The following CALN1 variants were observed in gnomAD, a reference collection of about 807,000 sequenced individuals.
CALN1 encodes calcium-binding protein 8.
CALN1 carries 17 observed loss-of-function variants against 30.6 expected under a neutral mutation model. The observed-to-expected ratio is 0.56, with a 90% CI of 0.38 to 0.83. The LOEUF is 0.83. Ranked by LOEUF, CALN1 falls within the 40% of genes least tolerant of loss-of-function variation. The pLI, the probability that CALN1 is intolerant of heterozygous loss-of-function variation, is 0.00. For missense variants in CALN1, 291 were observed against 354.9 expected, an observed-to-expected ratio of 0.82 and a Z score of 1.45; for synonymous variants, 156 against 131.4, an observed-to-expected ratio of 1.19 and a Z score of -1.28.
rs199820818 is a variant in CALN1, at chr7:72,410,048, GAT to G, written c.-74+2008_-74+2009del. On this transcript the variant is annotated intron_variant, in intron 1 of 6. Transcript: ENST00000395275. ...TAACTGAACATAATTCTTTCTTGAAGATATCTTTTGGACAAAATGTTCCATTG... is the reference window on the plus strand; with the variant it reads ...TAACTGAACATAATTCTTTCTTGAAGATCTTTTGGACAAAATGTTCCATTG... Among the ~76,000 whole-genome samples the G allele has an allele frequency of 9.5e-3, 1,438 of 151,568 alleles. 10 individuals carry two copies. The highest frequency in any genetic ancestry group is 0.014 in the Non-Finnish European group (936 of 68,022).
chr7:71,798,615 CTTTTTTTTT>C, intron 6 of CALN1, among the ~76,000 whole-genome samples: 1 of 114,830 alleles, frequency 8.7e-6, no homozygotes, highest in Admixed American at 9.3e-5. Context: ...TGGTAAGAGT[CTTTTTTTTT>C]TTTTTTTTTT....
chr7:72,197,526 A>C (rs1457952377), intron 3 of CALN1, among the ~76,000 whole-genome samples: 2 of 152,080 alleles, frequency 1.3e-5, no homozygotes, highest in East Asian at 3.9e-4. Context: ...CTGGTGTTAC[A>C]TTATGGCCGA....
At chr7:71,877,925 A>T (rs1159980497) in intron 5 of CALN1, among the ~76,000 whole-genome samples, 1 of 152,192 alleles carries the variant, frequency 6.6e-6, no homozygotes. Context: ...AGTGGTAGTC[A>T]AATGTCAGCA....
chr7:72,407,774 C>T (rs10252214), intron 1 of CALN1, among the ~76,000 whole-genome samples: 12 of 152,168 alleles, frequency 7.9e-5, no homozygotes, highest in African/African-American at 2.6e-4. Flanking sequence ...ACTGACTGAG[C>T]TTCTCAGCTC....
At chr7:72,198,944 T>C (rs965751976) in intron 3 of CALN1, among the ~76,000 whole-genome samples, 1 of 152,150 alleles carries the variant, frequency 6.6e-6, no homozygotes, top group Admixed American at 6.5e-5. Flanking sequence ...AGAAAGGATC[T>C]GTCCAGAACC....
chr7:72,331,360 GAA>G (rs1251459522), intron 2 of CALN1, among the ~76,000 whole-genome samples: 35 of 151,894 alleles, frequency 2.3e-4, no homozygotes, highest in Non-Finnish European at 3.2e-4. Flanking sequence ...AAAAAAGAAA[GAA>G]AAAAAAGAAA....
At chr7:72,411,726 C>T (rs905933843) in intron 1 of CALN1, among the ~76,000 whole-genome samples, 3 of 152,118 alleles carry the variant, frequency 2.0e-5, no homozygotes, top group African/African-American at 7.2e-5. Flanking sequence ...AGCCAATCAC[C>T]AAATATGGTA....
rs1792884897 is a variant in CALN1, at chr7:71,784,526, G to T, written c.*3249C>A. 1 of 308,100 alleles carries T rather than the reference G, an allele frequency of 3.2e-6. No individual in the cohort carries two copies. Among genetic ancestry groups the T allele is most frequent in the Non-Finnish European group, 5.9e-6 (1 of 168,918 alleles). The allele number at this position is 308,100 out of a possible 1,614,324, so 19.1% of individuals were successfully genotyped here. ...GCTAGATTCTGTCTGGGGGCTTTGT[G>T]GGTATCTGGAAAGGTGGGGCGCAGC... is the stretch of plus-strand genomic sequence containing the variant. On this transcript the variant is annotated 3_prime_UTR_variant, in exon 7 of 7. Transcript: ENST00000395275.
intron 5 of CALN1, among the ~76,000 whole-genome samples, chr7:71,946,939 C>T (rs1046966867): frequency 2.0e-5 from 3 of 151,998 alleles, no homozygotes; most frequent in Non-Finnish European, 2.9e-5. Flanking sequence ...TACCTTGACC[C>T]AAAGCACTAG....
Position 72,259,876 on chromosome 7 carries a change from C to T in CALN1, c.244+18810G>A, listed in dbSNP as rs187023440. ...CCTCAAGGCCCACTTCTCTCAAATC[C>T]ATTCTGCAAACCACAACCAATGCAA... On this transcript the variant is annotated intron_variant, in intron 3 of 6. Coordinates refer to ENST00000395275, the MANE Select transcript of CALN1 (RefSeq NM_031468.4). Among the ~76,000 whole-genome samples, 23 of 152,282 alleles carry T rather than the reference C, an allele frequency of 1.5e-4. No homozygotes were observed. The East Asian group carries it at 3.5e-3, about 23-fold the overall frequency.
intron 6 of CALN1, among the ~76,000 whole-genome samples, chr7:71,792,312 C>A (rs188809104): frequency 2.6e-5 from 4 of 152,140 alleles, no homozygotes; most frequent in Non-Finnish European, 4.4e-5. Context: ...CCAGCCGCAA[C>A]CCCCAGCCCC....
Position 71,877,108 on chromosome 7 carries a change from G to GA in CALN1, c.502-66617dup, listed in dbSNP as rs980495287. 3.9e-4 allele frequency among the ~76,000 whole-genome samples: 59 copies of GA among 151,244 alleles called. 1 individual carries two copies. The highest frequency in any genetic ancestry group is 1.3e-3 in the African/African-American group (53 of 41,146). On this transcript the variant is annotated intron_variant, in intron 5 of 6. Coordinates refer to ENST00000395275, the MANE Select transcript of CALN1 (RefSeq NM_031468.4). ...TACAGCATAAGAGCAACACATTAAA[G>GA]AAAAAAAACCATATAAATATCAATA...
intron 5 of CALN1, among the ~76,000 whole-genome samples, chr7:71,822,877 T>G (rs926756161): frequency 1.3e-5 from 2 of 152,194 alleles, no homozygotes; most frequent in African/African-American, 4.8e-5. Context: ...GTAACAAAAT[T>G]TACAACAGCT....
intron 3 of CALN1, among the ~76,000 whole-genome samples, chr7:72,223,835 C>T (rs1406279259): frequency 1.3e-5 from 2 of 152,276 alleles, no homozygotes; most frequent in East Asian, 1.9e-4. Flanking sequence ...AGAAGGAAAT[C>T]GTGTCCTCGG....
At chr7:72,325,384 T>G (rs1801198028) in intron 2 of CALN1, among the ~76,000 whole-genome samples, 1 of 152,220 alleles carries the variant, frequency 6.6e-6, no homozygotes, top group African/African-American at 2.4e-5. Context: ...GTGGATCACC[T>G]GAGGTCAAGA....
intron 5 of CALN1, among the ~76,000 whole-genome samples, chr7:71,928,384 C>T (rs61166657): frequency 0.6 from 91,164 of 150,792 alleles, 28,056 homozygotes; most frequent in East Asian, 0.87. Context: ...TTTCCATTGA[C>T]TTCAGGCCAC....
chr7:71,964,676 C>T (rs554786027), intron 5 of CALN1, among the ~76,000 whole-genome samples: 1 of 152,048 alleles, frequency 6.6e-6, no homozygotes, highest in African/African-American at 2.4e-5. Flanking sequence ...AAAACCAAAC[C>T]AAAACAAAAC....
chr7:71,942,414 G>A, intron 5 of CALN1: 1 of 171,722 alleles, frequency 5.8e-6, no homozygotes, highest in South Asian at 1.6e-4. Flanking sequence ...CCGTGTGTGA[G>A]GGGGACGTGC....
chr7:72,403,027 T>G (rs567781752), intron 2 of CALN1, among the ~76,000 whole-genome samples: 1 of 152,176 alleles, frequency 6.6e-6, no homozygotes, highest in Non-Finnish European at 1.5e-5. Context: ...AGAGTCAGTT[T>G]GCAAACCCAT....
Sources: allele counts gnomAD v4.1 joint callset (sites outside exome capture counted in the v4.1 genomes callset), GRCh38; gene constraint gnomAD v4.1.1; transcripts MANE v1.5; gene names NCBI Gene and HGNC (gene_info 2026-07-23, HGNC 2026-07-21).